The following DAPK2 variants were observed in gnomAD, a reference collection of about 807,000 sequenced individuals.
DAPK2 encodes the protein death associated protein kinase 2.
DAPK2 carries 35 observed loss-of-function variants against 44.1 expected under a neutral mutation model. That is an observed-to-expected ratio of 0.79 (90% confidence interval 0.61 to 1.05). The LOEUF is 1.05. DAPK2 is among the 50% of genes least tolerant of loss of function. The pLI is 0.00. For missense variants in DAPK2, 453 were observed against 483.2 expected, an observed-to-expected ratio of 0.94 and a Z score of 0.59; for synonymous variants, 174 against 182.6, an observed-to-expected ratio of 0.95 and a Z score of 0.38.
intron 3 of DAPK2, among the ~76,000 whole-genome samples, chr15:63,951,651 G>A (rs8026462): frequency 0.027 from 4,041 of 152,144 alleles, 179 homozygotes; most frequent in African/African-American, 0.088. Flanking sequence ...AGTAGATGAT[G>A]GGCTCCTGGA....
intron 1 of DAPK2, among the ~76,000 whole-genome samples, chr15:63,988,453 G>A (rs1328165092): frequency 2.6e-5 from 4 of 152,004 alleles, no homozygotes; most frequent in East Asian, 3.9e-4. Context: ...GTCACACCAC[G>A]GGATCAATTT....
At chr15:63,997,846 G>A (rs2078989818) in intron 1 of DAPK2, among the ~76,000 whole-genome samples, 1 of 152,186 alleles carries the variant, frequency 6.6e-6, no homozygotes, top group African/African-American at 2.4e-5. Context: ...GTCCAGTTCT[G>A]TTACAAGGTG....
upstream of DAPK2, among the ~76,000 whole-genome samples, chr15:64,040,728 T>C (rs1310333486): frequency 6.6e-6 from 1 of 151,850 alleles, no homozygotes; most frequent in Non-Finnish European, 1.5e-5. Context: ...CTGGCCAACA[T>C]GGTGAAACTC....
Position 64,013,056 on chromosome 15 carries a change from T to G in DAPK2, c.92+27114A>C, listed in dbSNP as rs891207398. Among the ~76,000 whole-genome samples, 2 of 152,106 alleles carry G rather than the reference T, an allele frequency of 1.3e-5. No individual in the cohort carries two copies. The highest frequency in any genetic ancestry group is 4.8e-5 in the African/African-American group (2 of 41,412). On this transcript the variant is annotated intron_variant, in intron 1 of 10. Transcript: ENST00000261891. This position sits in a 1 kb window ranked among gnomAD's most constrained non-coding sequence, Gnocchi z 4.7. ...ATTCACAGAAGCAAAACTATGTCAG[T>G]CCCTACTAGCCTAGTCCCTGAAAGG...
chr15:63,907,588 T>G (rs1454921724), exon 11 of DAPK2: 1 of 152,084 alleles, frequency 6.6e-6, no homozygotes, highest in Non-Finnish European at 1.5e-5. Flanking sequence ...CCTGGCTAAT[T>G]TTTTGTATTT....
At chr15:63,994,869 C>T (rs888993129) in intron 1 of DAPK2, among the ~76,000 whole-genome samples, 11 of 152,046 alleles carry the variant, frequency 7.2e-5, no homozygotes, top group Non-Finnish European at 1.3e-4. Flanking sequence ...GGATTACAGG[C>T]GTGAGCCACT....
Position 63,908,744 on chromosome 15 carries a change from T to C in DAPK2, c.1033-144A>G. 1.7e-6 allele frequency: 1 copy of C among 585,778 alleles called. No individual in the cohort carries two copies. Among genetic ancestry groups the C allele is most frequent in the Admixed American group, 3.4e-5 (1 of 29,646 alleles). The allele number at this position is 585,778 out of a possible 1,614,324, so 36.3% of individuals were successfully genotyped here. A position where few individuals can be genotyped will look rare whatever the true frequency, so the allele number is the denominator to read the frequency against. On this transcript the variant is annotated intron_variant, in intron 10 of 10. Transcript: ENST00000261891. The surrounding 1 kb of genome is among the most constrained non-coding windows in gnomAD (Gnocchi z 5.7). The stretch of plus-strand genomic sequence containing the variant: ...TGGGTGGTGAAAGCAAGCCTGCTGA[T>C]CCATCCAGGGGCTGGGGGATGGGAG...
chr15:64,004,742 A>C (rs4776709), intron 1 of DAPK2, among the ~76,000 whole-genome samples: 43,878 of 152,006 alleles, frequency 0.29, 6,876 homozygotes, highest in South Asian at 0.56. Context: ...CAGGGCACAC[A>C]TACAAAAGCA....
At chr15:64,015,873 T>A (rs1307896756) in intron 1 of DAPK2, among the ~76,000 whole-genome samples, 2 of 152,172 alleles carry the variant, frequency 1.3e-5, no homozygotes, top group African/African-American at 2.4e-5. Context: ...CCCCAAGGAA[T>A]CAACCCTGCT....
chr15:64,017,272 A>G (rs920675680), intron 1 of DAPK2, among the ~76,000 whole-genome samples: 1 of 152,200 alleles, frequency 6.6e-6, no homozygotes, highest in Non-Finnish European at 1.5e-5. Context: ...CTCTTGAAAC[A>G]TCAGTTCCCT....
intron 4 of DAPK2, among the ~76,000 whole-genome samples, chr15:63,932,125 C>T (rs1282393644): frequency 6.9e-6 from 1 of 144,726 alleles, no homozygotes; most frequent in Non-Finnish European, 1.5e-5. Context: ...TGAGATCATG[C>T]CACTGCACGC....
intron 1 of DAPK2, among the ~76,000 whole-genome samples, chr15:64,014,603 A>C (rs2079473114): frequency 6.6e-6 from 1 of 152,256 alleles, no homozygotes; most frequent in African/African-American, 2.4e-5. Flanking sequence ...CTGATCCCTC[A>C]GAAGAGTTAA....
At chr15:63,992,010 A>G (rs567459817) in intron 1 of DAPK2, among the ~76,000 whole-genome samples, 3 of 152,304 alleles carry the variant, frequency 2.0e-5, no homozygotes, top group African/African-American at 7.2e-5. Flanking sequence ...TCCTCTAGAC[A>G]TTTTTTTGTT....
chr15:64,033,455 C>T (rs12914849), intron 1 of DAPK2, among the ~76,000 whole-genome samples: 123,502 of 151,596 alleles, frequency 0.81, 50,721 homozygotes, highest in East Asian at 0.92. Flanking sequence ...AAACCATTGA[C>T]CCAAAATAAG....
upstream of DAPK2, among the ~76,000 whole-genome samples, chr15:64,045,105 C>T (rs2080430069): frequency 6.6e-6 from 1 of 152,216 alleles, no homozygotes; most frequent in South Asian, 2.1e-4. Flanking sequence ...TGCTTGTTCA[C>T]CCCACAGCTA....
At chr15:64,018,606 C>T (rs774284856) in intron 1 of DAPK2, among the ~76,000 whole-genome samples, 2 of 152,168 alleles carry the variant, frequency 1.3e-5, no homozygotes, top group Non-Finnish European at 2.9e-5. Flanking sequence ...TCCCACAACC[C>T]AGGCCACCTG....
chr15:63,945,219 C>T (rs1341736323), intron 3 of DAPK2, among the ~76,000 whole-genome samples: 1 of 152,174 alleles, frequency 6.6e-6, no homozygotes, highest in African/African-American at 2.4e-5. Context: ...TCTAACCCCT[C>T]CGTGTTGATG....
At chr15:63,928,951 C>G (rs1235888494) in intron 6 of DAPK2, among the ~76,000 whole-genome samples, 1 of 152,118 alleles carries the variant, frequency 6.6e-6, no homozygotes, top group Non-Finnish European at 1.5e-5. Flanking sequence ...ACCTGTAATC[C>G]CAGCACTTTG....
intron 4 of DAPK2, 134 bp from the exon 6 acceptor site, chr15:63,930,589 G>A: frequency 1.3e-6 from 1 of 789,662 alleles, no homozygotes; most frequent in Non-Finnish European, 2.1e-6. Flanking sequence ...GCAGATAAAG[G>A]TGATCTGCAT....
Sources: allele counts gnomAD v4.1 joint callset (sites outside exome capture counted in the v4.1 genomes callset), GRCh38; gene constraint gnomAD v4.1.1; non-coding constraint Gnocchi (gnomAD v3.1); transcripts MANE v1.5; gene names NCBI Gene and HGNC (gene_info 2026-07-23, HGNC 2026-07-21).